Variants in ROBO2 observed in about 807,000 individuals in gnomAD.
ROBO2 encodes the protein roundabout guidance receptor 2.
A neutral mutation model predicts 160.8 loss-of-function variants in ROBO2; 53 were observed. The observed-to-expected ratio is 0.33, with a 90% CI of 0.26 to 0.41. ROBO2 has a LOEUF of 0.41. Among genes scored for constraint, ROBO2 ranks in the 10% least tolerant of loss-of-function variants. The probability of loss-of-function intolerance (pLI) is 1.00; values close to 1 mark genes in which losing one functional copy is unlikely to be tolerated. For synonymous variants in ROBO2, 664 were observed against 611.7 expected (o/e 1.09, Z -1.26); for missense variants, 1,577 against 1,722.4 (o/e 0.92, Z 1.49).
At chr3:75,906,950 C>G (rs942050711) in exon 1 of ROBO2, 2 of 152,356 alleles carry the variant, frequency 1.3e-5, no homozygotes, top group African/African-American at 4.8e-5. Flanking sequence ...GCCGTCTAAA[C>G]CTGACTCCAG....
At chr3:77,563,765 A>G (rs1357191117) in intron 11 of ROBO2, among the ~76,000 whole-genome samples, 2 of 152,134 alleles carry the variant, frequency 1.3e-5, no homozygotes, top group African/African-American at 4.8e-5. Flanking sequence ...TAATCCCAAT[A>G]TTTTTATACC....
At chr3:77,476,496 G>A (rs541527336) in intron 2 of ROBO2, among the ~76,000 whole-genome samples, 1 of 152,138 alleles carries the variant, frequency 6.6e-6, no homozygotes, top group South Asian at 2.1e-4. Flanking sequence ...GTCAGGAAAA[G>A]CAGAGGCAGT....
chr3:76,781,626 T>G (rs2108612927), intron 2 of ROBO2, among the ~76,000 whole-genome samples: 1 of 151,000 alleles, frequency 6.6e-6, no homozygotes, highest in African/African-American at 2.4e-5. Context: ...TGCCAAATGC[T>G]TTGTCTCCAT....
At chr3:76,568,685 C>T (rs1214840036) in intron 2 of ROBO2, among the ~76,000 whole-genome samples, 2 of 152,112 alleles carry the variant, frequency 1.3e-5, no homozygotes, top group Admixed American at 6.6e-5. Context: ...CTATTACAGT[C>T]ATCATTAAAG....
intron 5 of ROBO2, among the ~76,000 whole-genome samples, chr3:77,517,166 T>A (rs1035196153): frequency 1.3e-5 from 2 of 151,630 alleles, no homozygotes; most frequent in Non-Finnish European, 3.0e-5. Context: ...AAAAAGAAAG[T>A]AATTTTTTAA....
At chr3:76,419,554 C>A (rs1336006395) in intron 2 of ROBO2, among the ~76,000 whole-genome samples, 2 of 151,986 alleles carry the variant, frequency 1.3e-5, no homozygotes, top group African/African-American at 4.8e-5. Flanking sequence ...AATGAACTAC[C>A]TGTATATCTT....
chr3:76,836,212 C>G (rs911790688), intron 2 of ROBO2, among the ~76,000 whole-genome samples: 18 of 152,010 alleles, frequency 1.2e-4, no homozygotes, highest in African/African-American at 2.6e-4. Flanking sequence ...ACCTGGTCTA[C>G]TACTTGTTGA....
intron 2 of ROBO2, among the ~76,000 whole-genome samples, chr3:76,568,167 T>C (rs1394707578): frequency 1.3e-5 from 2 of 152,074 alleles, no homozygotes; most frequent in Non-Finnish European, 2.9e-5. Flanking sequence ...AGTATTCAAC[T>C]ACTAGTACAA....
chr3:77,483,955 G>C (rs1026270496), intron 4 of ROBO2, among the ~76,000 whole-genome samples: 1 of 151,280 alleles, frequency 6.6e-6, no homozygotes, highest in African/African-American at 2.4e-5. Flanking sequence ...GATTCTAGTG[G>C]GCTTGTACTT....
chr3:76,604,695 G>A (rs1353103257), intron 2 of ROBO2, among the ~76,000 whole-genome samples: 1 of 152,116 alleles, frequency 6.6e-6, no homozygotes. Context: ...TCAAATGCCA[G>A]GAAGTTTTCA....
chr3:75,923,825 G>A (rs570026717), intron 1 of ROBO2, among the ~76,000 whole-genome samples: 2 of 152,216 alleles, frequency 1.3e-5, no homozygotes, highest in Non-Finnish European at 2.9e-5. Flanking sequence ...TGTGTGCACT[G>A]GTAGGAGGTG....
At chr3:76,543,684 A>T (rs2082938970) in intron 2 of ROBO2, among the ~76,000 whole-genome samples, 1 of 152,038 alleles carries the variant, frequency 6.6e-6, no homozygotes, top group Non-Finnish European at 1.5e-5. Flanking sequence ...GGAAGAATAG[A>T]ATGCTTCTAT....
intron 1 of ROBO2, among the ~76,000 whole-genome samples, chr3:77,067,487 A>G (rs1440698707): frequency 2.6e-5 from 4 of 152,202 alleles, no homozygotes; most frequent in Non-Finnish European, 4.4e-5. Flanking sequence ...TGTGTCATAT[A>G]TGTGTCTCTA....
chr3:75,923,829 G>C (rs927954737), intron 1 of ROBO2, among the ~76,000 whole-genome samples: 5 of 152,212 alleles, frequency 3.3e-5, no homozygotes, highest in Non-Finnish European at 7.3e-5. Flanking sequence ...TGCACTGGTA[G>C]GAGGTGTAAT....
chr3:76,534,054 T>C (rs1349751272), intron 2 of ROBO2, among the ~76,000 whole-genome samples: 1 of 152,174 alleles, frequency 6.6e-6, no homozygotes, highest in Admixed American at 6.5e-5. Context: ...TTCCTGTCTT[T>C]TTATTTATAA....
chr3:75,942,170 T>C (rs1240535337), intron 2 of ROBO2, among the ~76,000 whole-genome samples: 1 of 152,180 alleles, frequency 6.6e-6, no homozygotes, highest in African/African-American at 2.4e-5. Flanking sequence ...TCTCAGATCA[T>C]GTGATCTATG....
At chr3:77,522,975 C>A in intron 6 of ROBO2, 73 bp downstream of exon 6, 3 of 1,548,884 alleles carry the variant, frequency 1.9e-6, no homozygotes, top group Non-Finnish European at 2.7e-6. Flanking sequence ...AGTGAACTTA[C>A]GATCAAAATA....
intron 2 of ROBO2, among the ~76,000 whole-genome samples, chr3:76,600,596 C>A (rs566927736): frequency 6.6e-5 from 10 of 152,242 alleles, no homozygotes; most frequent in African/African-American, 2.4e-4. Context: ...ACCATCAGAT[C>A]TTATGAGACT....
At chr3:76,647,522 G>A (rs2091036228) in intron 2 of ROBO2, among the ~76,000 whole-genome samples, 1 of 152,174 alleles carries the variant, frequency 6.6e-6, no homozygotes, top group Non-Finnish European at 1.5e-5. Context: ...AGAAAAAATT[G>A]AAAATGGTTA....
Sources: allele counts gnomAD v4.1 joint callset (sites outside exome capture counted in the v4.1 genomes callset), GRCh38; gene constraint gnomAD v4.1.1; transcripts MANE v1.5; gene names NCBI Gene and HGNC (gene_info 2026-07-23, HGNC 2026-07-21).